Variants in MTHFD1L observed in about 807,000 individuals in gnomAD.
MTHFD1L encodes monofunctional C1-tetrahydrofolate synthase, mitochondrial.
Under a neutral mutation model 119.5 loss-of-function variants are expected in MTHFD1L, and 81 were observed. The ratio of observed to expected loss-of-function variants is 0.68; its 90% confidence interval spans 0.57 to 0.82. The LOEUF (loss-of-function observed/expected upper bound fraction) is 0.82, where lower values mean the gene tolerates loss of function less well. MTHFD1L is among the 40% of genes least tolerant of loss of function. MTHFD1L has a pLI of 0.00. For synonymous variants in MTHFD1L, 430 were observed against 475.2 expected (o/e 0.90, Z 1.24); for missense variants, 1,125 against 1,253.4 (o/e 0.90, Z 1.55).
intron 16 of MTHFD1L, 95 bp downstream of exon 16, chr6:150,949,228 G>A: frequency 2.1e-6 from 2 of 945,562 alleles, no homozygotes; most frequent in Admixed American, 2.1e-5. Context: ...GTTTGATCCT[G>A]TCCAGTGATC....
chr6:151,027,592 A>G (rs1784765827), intron 24 of MTHFD1L, among the ~76,000 whole-genome samples: 1 of 152,034 alleles, frequency 6.6e-6, no homozygotes, highest in Non-Finnish European at 1.5e-5. Flanking sequence ...GTACAAGTGA[A>G]TATCAAGCTC....
At chr6:151,052,221 A>G (rs1422295432) in intron 26 of MTHFD1L, among the ~76,000 whole-genome samples, 2 of 152,302 alleles carry the variant, frequency 1.3e-5, no homozygotes, top group Non-Finnish European at 2.9e-5. Context: ...ACAGTTAGAA[A>G]TCAATTTTGG....
intron 1 of MTHFD1L, chr6:150,866,472 C>G: frequency 7.6e-7 from 1 of 1,319,060 alleles, no homozygotes; most frequent in Non-Finnish European, 9.6e-7. Flanking sequence ...GGCGCGCCGG[C>G]TGGCCCGGGG....
intron 16 of MTHFD1L, among the ~76,000 whole-genome samples, chr6:150,949,703 G>T (rs991594001): frequency 4.6e-5 from 7 of 152,116 alleles, no homozygotes; most frequent in African/African-American, 1.7e-4. Flanking sequence ...TTCCCTCTCA[G>T]TTGTGAAGTC....
chr6:150,941,054 C>T (rs373481256), intron 13 of MTHFD1L, among the ~76,000 whole-genome samples: 26 of 152,088 alleles, frequency 1.7e-4, no homozygotes, highest in East Asian at 3.8e-4. Context: ...ATGTACTGGA[C>T]GGAACATAAT....
intron 26 of MTHFD1L, among the ~76,000 whole-genome samples, chr6:151,089,318 A>G (rs1284664735): frequency 6.6e-6 from 1 of 152,214 alleles, no homozygotes; most frequent in Non-Finnish European, 1.5e-5. Context: ...AAAGCCTTCT[A>G]TAGCTGGGTG....
chr6:151,078,273 A>T (rs2128629235), intron 26 of MTHFD1L, among the ~76,000 whole-genome samples: 1 of 152,212 alleles, frequency 6.6e-6, no homozygotes, highest in African/African-American at 2.4e-5. Flanking sequence ...CCCCATGTCT[A>T]CAAAGAAATA....
At chr6:151,060,632 G>A (rs1790503319) in intron 26 of MTHFD1L, among the ~76,000 whole-genome samples, 1 of 152,144 alleles carries the variant, frequency 6.6e-6, no homozygotes, top group South Asian at 2.1e-4. Flanking sequence ...ACCAGGGGTC[G>A]AGGGACAAGG....
intron 21 of MTHFD1L, among the ~76,000 whole-genome samples, chr6:151,012,199 T>C (rs1297192904): frequency 6.6e-6 from 1 of 152,068 alleles, no homozygotes; most frequent in Non-Finnish European, 1.5e-5. Context: ...TGTGTCTTAT[T>C]AATTGGTATG....
chr6:150,951,424 C>T (rs930362617), intron 16 of MTHFD1L, among the ~76,000 whole-genome samples: 5 of 152,128 alleles, frequency 3.3e-5, no homozygotes, highest in Admixed American at 2.6e-4. Context: ...AAAAACCTTG[C>T]TATACTAATA....
At chr6:151,007,387 T>G (rs1208038598) in intron 20 of MTHFD1L, among the ~76,000 whole-genome samples, 4 of 151,430 alleles carry the variant, frequency 2.6e-5, no homozygotes, top group African/African-American at 9.8e-5. Flanking sequence ...GAGCAGGAAT[T>G]CCCACAAATG....
Position 151,009,878 on chromosome 6 carries a change from C to T in MTHFD1L, c.2185C>T (p.Arg729Ter), listed in dbSNP as rs1367076381. ...GMEKFFNIKC[R>*]ASGLVPNVVV... Reference sequence around the variant, plus strand: ...GGAGAAATTCTTCAACATCAAGTGCCGAGCTTCCGGCTTGGTGCCCAACGT... The same window carrying T: ...GGAGAAATTCTTCAACATCAAGTGCTGAGCTTCCGGCTTGGTGCCCAACGT... The change falls in exon 21 of 28, where the codon CGA becomes TGA. Residue 729 changes from arginine to a stop codon, truncating the protein, a stop_gained. Transcript: ENST00000367321. LOFTEE classifies it high-confidence loss of function. 9.3e-6 allele frequency: 15 copies of T among 1,613,722 alleles called. No individual in the cohort carries two copies. Among genetic ancestry groups the T allele is most frequent in the East Asian group, 2.2e-5 (1 of 44,842 alleles).
intron 24 of MTHFD1L, among the ~76,000 whole-genome samples, chr6:151,027,189 T>A (rs1236994641): frequency 6.6e-6 from 1 of 152,136 alleles, no homozygotes; most frequent in Non-Finnish European, 1.5e-5. Context: ...CAGCTTTTGC[T>A]GATTTTCATG....
chr6:150,934,357 T>C (rs1192958896), intron 11 of MTHFD1L, among the ~76,000 whole-genome samples: 2 of 152,246 alleles, frequency 1.3e-5, no homozygotes, highest in Admixed American at 6.5e-5. Flanking sequence ...CAGGAAACAT[T>C]CCCAGATGTT....
At chr6:150,878,155 G>T (rs75824167) in intron 4 of MTHFD1L, among the ~76,000 whole-genome samples, 14,322 of 152,224 alleles carry the variant, frequency 0.094, 788 homozygotes, top group Middle Eastern at 0.17. Flanking sequence ...GCCAGGGCCC[G>T]GCCCTTCTGT....
chr6:151,093,938 T>C (rs907810988), intron 27 of MTHFD1L, among the ~76,000 whole-genome samples: 14 of 152,140 alleles, frequency 9.2e-5, no homozygotes, highest in African/African-American at 3.4e-4. Context: ...AGCCCAGACC[T>C]GGGGACTCTC....
intron 13 of MTHFD1L, among the ~76,000 whole-genome samples, chr6:150,943,438 C>G (rs1228724460): frequency 2.0e-5 from 3 of 151,534 alleles, no homozygotes; most frequent in Non-Finnish European, 4.4e-5. Context: ...TGAGACCAAC[C>G]TGTGCAACAT....
At position 150,885,648 on chromosome 6, in the gene MTHFD1L, A is replaced by G. The variant is rs1228330095; in HGVS notation, c.557A>G (p.Asn186Ser). 1 of 1,613,904 alleles carries G rather than the reference A, an allele frequency of 6.2e-7. No individual in the cohort carries two copies. The highest frequency in any genetic ancestry group is 1.7e-5 in the Admixed American group (1 of 59,996). Residue 186 changes from asparagine to serine, a missense_variant, in exon 6 of 28, where the codon AAC becomes AGC. Asn to Ser is a conservative substitution (Grantham distance 46). This residue lies in a region of MTHFD1L where 1,058 missense variants were observed against 1,151.2 expected (regional missense o/e 0.92). Transcript: ENST00000367321. ...TTCTGATTCAGAGTAACAGACATAA[A>G]CCTGGGGAAGCTGGTGCGAGGGGAT... ...EKDVDGVTDI[N>S]LGKLVRGDAH... is the part of the protein sequence containing the mutation.
intron 20 of MTHFD1L, among the ~76,000 whole-genome samples, chr6:150,979,329 C>T (rs1227203654): frequency 1.3e-5 from 2 of 152,134 alleles, no homozygotes; most frequent in East Asian, 1.9e-4. Flanking sequence ...ACCAATATAT[C>T]GTAATGTGCG....
Sources: allele counts gnomAD v4.1 joint callset (sites outside exome capture counted in the v4.1 genomes callset), GRCh38; gene constraint gnomAD v4.1.1; regional missense constraint gnomAD v4.1.1; transcripts MANE v1.5; gene names NCBI Gene and HGNC (gene_info 2026-07-23, HGNC 2026-07-21).